Variants in GBP7 observed in about 807,000 individuals in gnomAD.
GBP7 encodes guanylate binding protein 7, also known as guanylate-binding protein 7.
GBP7 carries 43 observed loss-of-function variants against 61.3 expected under a neutral mutation model. That is an observed-to-expected ratio of 0.70 (90% confidence interval 0.55 to 0.91). The LOEUF (loss-of-function observed/expected upper bound fraction) is 0.91, where lower values mean the gene tolerates loss of function less well. Ranked by LOEUF, GBP7 falls within the 40% of genes least tolerant of loss-of-function variation. GBP7 has a pLI of 0.00. For synonymous variants in GBP7, 267 were observed against 271.0 expected (o/e 0.99, Z 0.14); for missense variants, 717 against 740.5 (o/e 0.97, Z 0.37).
chr1:89,151,454 G>A lies in GBP7; in HGVS notation c.625+814C>T, dbSNP rs1049601529. On this transcript the variant is annotated intron_variant, in intron 5 of 10. Transcript: ENST00000294671. ...GCTGGGAAAAATGTTTGAAAGAGAC[G>A]GAAAATACTCAGGTCAGATTATATT... 2.0e-4 allele frequency among the ~76,000 whole-genome samples: 31 copies of A among 152,254 alleles called. No individual in the cohort carries two copies. In the East Asian group the frequency reaches 4.6e-3, roughly 23 times the overall value.
intron 8 of GBP7, among the ~76,000 whole-genome samples, chr1:89,143,106 A>G (rs1681990819): frequency 2.0e-5 from 3 of 152,184 alleles, no homozygotes; most frequent in African/African-American, 7.2e-5. Flanking sequence ...TTAAAACCAA[A>G]CAGTTTTCCA....
In GBP7 at chr1:89,133,319, A is replaced by G. The variant is rs374167387; in HGVS notation, c.1601T>C (p.Met534Thr). The G allele has an allele frequency of 2.9e-5, 46 of 1,613,654 alleles. No homozygotes were observed. The highest frequency in any genetic ancestry group is 3.8e-5 in the Non-Finnish European group (45 of 1,179,838). ...QENIAQLKKK[M>T]ERERENYMRE... is the part of the protein sequence containing the mutation. ...CATATAGTTTTCCCTTTCCCTCTCC[A>G]TCTTCTTCTTGAGTTGAGCTATGTT... Residue 534 changes from methionine to threonine, a missense_variant, in exon 10 of 11, where the codon ATG becomes ACG. Coordinates refer to ENST00000294671, the MANE Select transcript of GBP7 (RefSeq NM_207398.3).
chr1:89,139,696 C>T (rs1364438815), intron 9 of GBP7, among the ~76,000 whole-genome samples: 1 of 152,216 alleles, frequency 6.6e-6, no homozygotes, highest in Non-Finnish European at 1.5e-5. Context: ...AAAAAATGCT[C>T]ATCATCACTG....
Position 89,132,025 on chromosome 1 carries a change from A to G in GBP7, c.*124T>C. On this transcript the variant is annotated 3_prime_UTR_variant, in exon 11 of 11. Coordinates refer to ENST00000294671, the MANE Select transcript of GBP7 (RefSeq NM_207398.3). ...GTCAAAATTAAGTTTGTTTTTATGA[A>G]CTTCAGGCCATAATATTCTTTGAAA... 1.6e-6 allele frequency: 1 copy of G among 640,596 alleles called. No individual in the cohort carries two copies. The highest frequency in any genetic ancestry group is 2.5e-6 in the Non-Finnish European group (1 of 405,116). 39.7% of individuals were successfully genotyped at this position (640,596 alleles called of 1,614,324 possible).
rs375874559 is a variant in GBP7 at position 89,137,278 on chromosome 1, C to G, written c.1469-3827G>C. ...AAACTATTCCAAAAAAAATGGGGAG[C>G]AGGGAATCTTTCCTAATACATTCTA... is the stretch of plus-strand genomic sequence containing the variant. On this transcript the variant is annotated intron_variant, in intron 9 of 10. Coordinates refer to ENST00000294671, the MANE Select transcript of GBP7 (RefSeq NM_207398.3). 3.7e-4 allele frequency among the ~76,000 whole-genome samples: 56 copies of G among 151,996 alleles called. 6 individuals are homozygous for G. Among genetic ancestry groups the G allele is most frequent in the Admixed American group, 9.2e-4 (14 of 15,258 alleles).
Position 89,141,542 on chromosome 1 carries a change from G to A in GBP7, c.1468+4C>T, listed in dbSNP as rs760835594. The A allele has an allele frequency of 1.2e-6, 2 of 1,613,028 alleles. No individual in the cohort carries two copies. Among genetic ancestry groups the A allele is most frequent in the Admixed American group, 1.7e-5 (1 of 59,978 alleles). On this transcript the variant is annotated splice_donor_region_variant and intron_variant, in intron 9 of 10. Transcript: ENST00000294671. ...TGCCTGAGAGCTGAGCCCTGCCCCT[G>A]TACCTGCTATGGCCTTCTCTCCAGC... is the stretch of plus-strand genomic sequence containing the variant.
chr1:89,146,493 A>G (rs991387882), intron 8 of GBP7, among the ~76,000 whole-genome samples: 6 of 152,192 alleles, frequency 3.9e-5, no homozygotes, highest in Non-Finnish European at 7.4e-5. Flanking sequence ...AAAAGGCAAC[A>G]TACAGAATAG....
chr1:89,173,409 TC>T (rs1228831060), intron 1 of GBP7, among the ~76,000 whole-genome samples: 2 of 152,222 alleles, frequency 1.3e-5, no homozygotes, highest in African/African-American at 2.4e-5. Flanking sequence ...CTTTTGACTT[TC>T]CTTTTTAAAC....
chr1:89,137,224 T>C (rs969017667), intron 9 of GBP7, among the ~76,000 whole-genome samples: 3 of 151,972 alleles, frequency 2.0e-5, no homozygotes, highest in African/African-American at 7.2e-5. Flanking sequence ...CTGCCATACA[T>C]AGAAAGAAGA....
Position 89,164,806 on chromosome 1 carries a change from C to A in GBP7, c.243G>T (p.Trp81Cys). The part of the protein sequence containing the change: ...VKSETKGIWM[W>C]CVPHPSKPNH... ...TTGGCTTGGAGGGGTGGGGCACACA[C>A]CACATCCAGATGCCTTTGGTTTCAG... Residue 81 changes from tryptophan to cysteine, a missense_variant, in exon 3 of 11, where the codon TGG becomes TGT. Physicochemically the swap from Trp to Cys is radical, Grantham distance 215. Transcript: ENST00000294671. 6.2e-7 allele frequency: 1 copy of A among 1,613,926 alleles called. No individual in the cohort carries two copies. The highest frequency in any genetic ancestry group is 1.1e-5 in the South Asian group (1 of 91,082).
At chr1:89,166,142 T>G (rs1477717006) in intron 2 of GBP7, among the ~76,000 whole-genome samples, 1 of 152,222 alleles carries the variant, frequency 6.6e-6, no homozygotes, top group Non-Finnish European at 1.5e-5. Context: ...GATACCTGTG[T>G]ATTTTTATGC....
chr1:89,165,195 T>C (rs1003185036), intron 2 of GBP7, among the ~76,000 whole-genome samples: 6 of 151,970 alleles, frequency 3.9e-5, no homozygotes, highest in Admixed American at 1.3e-4. Flanking sequence ...AACCCCAAGG[T>C]GATGATATTA....
chr1:89,152,492 A>T (rs1570352497), intron 4 of GBP7, 28 bp from the exon 5 acceptor site: 1 of 1,598,242 alleles, frequency 6.3e-7, no homozygotes, highest in African/African-American at 1.3e-5. Flanking sequence ...GAAGGATAGC[A>T]CCCTACACCA....
At chr1:89,142,878 A>G (rs1410090007) in intron 8 of GBP7, among the ~76,000 whole-genome samples, 9 of 152,014 alleles carry the variant, frequency 5.9e-5, no homozygotes, top group Admixed American at 4.6e-4. Context: ...TTATTGTGTG[A>G]TTGTAGCTTA....
chr1:89,138,665 A>G (rs1235272098), intron 9 of GBP7, among the ~76,000 whole-genome samples: 3 of 152,146 alleles, frequency 2.0e-5, no homozygotes, highest in Non-Finnish European at 4.4e-5. Flanking sequence ...TTCTCACTAT[A>G]TACAAAAATC....
intron 2 of GBP7, 149 bp downstream of exon 2, chr1:89,171,597 A>G: frequency 1.8e-6 from 1 of 540,674 alleles, no homozygotes. Flanking sequence ...AATCCTCCAG[A>G]GTGAATTTGA....
At chr1:89,154,625 G>C (rs1682272414) in intron 3 of GBP7, among the ~76,000 whole-genome samples, 1 of 150,720 alleles carries the variant, frequency 6.6e-6, no homozygotes, top group South Asian at 2.1e-4. Flanking sequence ...GGAATTACAG[G>C]TGTGAGCGAC....
intron 8 of GBP7, among the ~76,000 whole-genome samples, chr1:89,146,662 T>C (rs1682071085): frequency 1.3e-5 from 2 of 152,064 alleles, no homozygotes; most frequent in Non-Finnish European, 2.9e-5. Flanking sequence ...AAAGAAGACA[T>C]TTAAATGGCC....
chr1:89,156,300 T>A (rs992498283), intron 3 of GBP7, among the ~76,000 whole-genome samples: 2 of 152,040 alleles, frequency 1.3e-5, no homozygotes, highest in Non-Finnish European at 2.9e-5. Context: ...ATCAACTAAC[T>A]AGCAAAATAA....
Sources: gnomAD v4.1 joint callset for allele counts (sites outside exome capture counted in the v4.1 genomes callset) on GRCh38, gnomAD v4.1.1 for gene constraint, MANE v1.5 for transcripts, NCBI Gene and HGNC (gene_info 2026-07-23, HGNC 2026-07-21) for gene names.